Variants in MEMO1 observed in about 807,000 individuals in gnomAD.
MEMO1 encodes the protein protein MEMO1.
Under a neutral mutation model 45.2 loss-of-function variants are expected in MEMO1, and 6 were observed. The ratio of observed to expected loss-of-function variants is 0.13; its 90% confidence interval spans 0.07 to 0.26. MEMO1 has a LOEUF of 0.26. MEMO1 is among the 10% of genes least tolerant of loss of function. MEMO1 has a pLI of 1.00. For missense variants in MEMO1, 184 were observed against 370.5 expected (o/e 0.50, Z 4.13); for synonymous variants, 78 against 124.3 (o/e 0.63, Z 2.48).
At chr2:31,912,003 T>A (rs902210558) in intron 6 of MEMO1, among the ~76,000 whole-genome samples, 1 of 152,078 alleles carries the variant, frequency 6.6e-6, no homozygotes, top group Non-Finnish European at 1.5e-5. Flanking sequence ...ATATCCTAAC[T>A]GAATCTGAAT....
intron 6 of MEMO1, among the ~76,000 whole-genome samples, chr2:31,893,652 T>C (rs1677280465): frequency 6.6e-6 from 1 of 152,178 alleles, no homozygotes; most frequent in Admixed American, 6.5e-5. Flanking sequence ...CATAGGTAAG[T>C]TCCCGAATTG....
At chr2:31,996,956 T>G (rs752563101) in intron 2 of MEMO1, among the ~76,000 whole-genome samples, 36 of 152,202 alleles carry the variant, frequency 2.4e-4, no homozygotes, top group Non-Finnish European at 4.9e-4. Context: ...CATAGAACAC[T>G]CGCCAAGACA....
intron 3 of MEMO1, among the ~76,000 whole-genome samples, chr2:31,936,473 C>G (rs1664936057): frequency 6.6e-6 from 1 of 152,150 alleles, no homozygotes; most frequent in South Asian, 2.1e-4. Flanking sequence ...TCTCCCTTTG[C>G]TCCTACACAG....
At chr2:32,008,533 A>G (rs1674387551) in intron 2 of MEMO1, among the ~76,000 whole-genome samples, 1 of 152,158 alleles carries the variant, frequency 6.6e-6, no homozygotes. Context: ...GCAATGAGTC[A>G]AGATCGAGCC....
In MEMO1 at chr2:31,920,864, G is replaced by C. The variant is rs956094496; in HGVS notation, c.259C>G (p.Arg87Gly). The C allele has an allele frequency of 1.2e-6, 2 of 1,612,320 alleles. No individual in the cohort carries two copies. The highest frequency in any genetic ancestry group is 1.7e-6 in the Non-Finnish European group (2 of 1,179,210). ...LGPSHHVPLS[R>G]CALSSVDIYR... ...ATATCCACACTGGAAAGTGCACATC[G>C]AGAGAGGGGCACATGATGAGAAGGC... The change falls in exon 5 of 10, where the codon CGA (arginine) becomes GGA (glycine). Residue 87 changes from arginine to glycine, a missense_variant. Coordinates refer to ENST00000404530, the MANE Select transcript of MEMO1 (RefSeq NM_001301833.4).
At chr2:31,941,201 A>C (rs944064503) in intron 3 of MEMO1, among the ~76,000 whole-genome samples, 5 of 152,056 alleles carry the variant, frequency 3.3e-5, no homozygotes, top group African/African-American at 4.8e-5. Flanking sequence ...TTCCCCTTGT[A>C]CTGCCACTCC....
At chr2:31,987,012 G>A (rs1671344118) in intron 2 of MEMO1, among the ~76,000 whole-genome samples, 1 of 152,126 alleles carries the variant, frequency 6.6e-6, no homozygotes, top group Non-Finnish European at 1.5e-5. Flanking sequence ...GAAGTTTTCT[G>A]TTTTTGTTTG....
intron 2 of MEMO1, among the ~76,000 whole-genome samples, chr2:31,975,879 T>A (rs1669947667): frequency 6.6e-6 from 1 of 152,158 alleles, no homozygotes; most frequent in Non-Finnish European, 1.5e-5. Context: ...AGACTCTTAA[T>A]ATAGTAAATT....
At chr2:31,883,021 G>C (rs748152911) in intron 8 of MEMO1, among the ~76,000 whole-genome samples, 7 of 152,050 alleles carry the variant, frequency 4.6e-5, no homozygotes, top group Admixed American at 2.6e-4. Context: ...TCAGGTAGTC[G>C]TGAAACAAAC....
intron 3 of MEMO1, among the ~76,000 whole-genome samples, chr2:31,937,441 CAAAT>C (rs931657487): frequency 1.3e-5 from 2 of 152,040 alleles, no homozygotes; most frequent in South Asian, 2.1e-4. Context: ...TAATTAGAGA[CAAAT>C]AAGCTGTGCA....
At chr2:31,979,653 A>T (rs899928019) in intron 2 of MEMO1, among the ~76,000 whole-genome samples, 3 of 152,150 alleles carry the variant, frequency 2.0e-5, no homozygotes, top group Admixed American at 6.6e-5. Context: ...TTTAATCCCA[A>T]TTTTTTAAAA....
chr2:31,926,576 C>T (rs964752771), intron 4 of MEMO1, among the ~76,000 whole-genome samples: 2 of 151,948 alleles, frequency 1.3e-5, no homozygotes, highest in Non-Finnish European at 2.9e-5. Flanking sequence ...TTGCCAGGCA[C>T]AGTGGCTCAC....
intron 2 of MEMO1, among the ~76,000 whole-genome samples, chr2:32,002,186 T>TATACACACACACACAC (rs753352927): frequency 8.6e-6 from 1 of 116,054 alleles, no homozygotes; most frequent in African/African-American, 3.5e-5. Flanking sequence ...TATATATATA[T>TATACACACACACACAC]ACACACACAC....
intron 2 of MEMO1, among the ~76,000 whole-genome samples, chr2:31,945,594 G>A (rs1270712047): frequency 1.3e-5 from 2 of 152,146 alleles, no homozygotes; most frequent in Non-Finnish European, 2.9e-5. Context: ...AGAGATGTAT[G>A]TAAATCTTTG....
intron 5 of MEMO1, among the ~76,000 whole-genome samples, chr2:31,919,719 AG>A (rs1250899957): frequency 6.6e-6 from 1 of 151,968 alleles, no homozygotes; most frequent in East Asian, 1.9e-4. Flanking sequence ...CCTACTTGGG[AG>A]GCTGGGGTAG....
At chr2:31,909,248 A>G (rs1190808804) in intron 6 of MEMO1, among the ~76,000 whole-genome samples, 2 of 152,236 alleles carry the variant, frequency 1.3e-5, no homozygotes, top group East Asian at 3.8e-4. Flanking sequence ...ATAGTACTGG[A>G]AGACCTAGCC....
intron 2 of MEMO1, among the ~76,000 whole-genome samples, chr2:31,978,659 A>G (rs576259731): frequency 6.6e-6 from 1 of 152,232 alleles, no homozygotes; most frequent in Non-Finnish European, 1.5e-5. Context: ...GCCTCAAGTG[A>G]TCCTCTCACC....
intron 2 of MEMO1, among the ~76,000 whole-genome samples, chr2:31,964,793 G>A (rs1391028363): frequency 1.3e-5 from 2 of 152,102 alleles, no homozygotes; most frequent in African/African-American, 4.8e-5. Context: ...TGTTTTTACA[G>A]TGATAATAGT....
At chr2:31,896,871 T>C (rs1281416032) in intron 6 of MEMO1, among the ~76,000 whole-genome samples, 2 of 151,910 alleles carry the variant, frequency 1.3e-5, no homozygotes, top group African/African-American at 2.4e-5. Flanking sequence ...CAAAAGAAGA[T>C]ATACAAATGG....
Sources: gnomAD v4.1 joint callset for allele counts (sites outside exome capture counted in the v4.1 genomes callset) on GRCh38, gnomAD v4.1.1 for gene constraint, MANE v1.5 for transcripts, NCBI Gene and HGNC (gene_info 2026-07-23, HGNC 2026-07-21) for gene names.